Variants in MAP4K5 observed in about 807,000 individuals in gnomAD.
The protein encoded by MAP4K5 is mitogen-activated protein kinase kinase kinase kinase 5.
Under a neutral mutation model 135.6 loss-of-function variants are expected in MAP4K5, and 82 were observed. The observed-to-expected ratio is 0.60, with a 90% confidence interval of 0.51 to 0.73. MAP4K5 has a LOEUF of 0.73. Among genes scored for constraint, MAP4K5 ranks in the 30% least tolerant of loss-of-function variants. The pLI is 0.00. For missense variants in MAP4K5, 907 were observed against 1,010.9 expected (o/e 0.90, Z 1.39); for synonymous variants, 347 against 335.0 (o/e 1.04, Z -0.39).
rs1056233171 is a variant in MAP4K5, at chr14:50,497,520, T to C, written c.166+7280A>G. ...CCTGAATAGATGACACTTGTCCTAT[T>C]TGGCCAAACAGCCTACCCTGGGATT... On this transcript the variant is annotated intron_variant, in intron 3 of 32. Transcript: ENST00000682126. Among the ~76,000 whole-genome samples the C allele has an allele frequency of 2.6e-5, 4 of 152,218 alleles. No homozygotes were observed. In the East Asian group the frequency reaches 5.8e-4, roughly 22 times the overall value.
chr14:50,423,983 C>T (rs1204969621), intron 31 of MAP4K5, among the ~76,000 whole-genome samples: 1 of 152,092 alleles, frequency 6.6e-6, no homozygotes, highest in Non-Finnish European at 1.5e-5. Context: ...CCCAGTTGCT[C>T]TTAGTGGGAA....
intron 1 of MAP4K5, among the ~76,000 whole-genome samples, chr14:50,557,442 T>C (rs2038777968): frequency 6.6e-6 from 1 of 152,174 alleles, no homozygotes; most frequent in Non-Finnish European, 1.5e-5. Flanking sequence ...CCAGGAATGG[T>C]ATACTATTTT....
intron 2 of MAP4K5, 94 bp downstream of exon 2, chr14:50,531,848 G>A: frequency 1.1e-6 from 1 of 889,296 alleles, no homozygotes; most frequent in Non-Finnish European, 1.8e-6. Flanking sequence ...AACAATAAAA[G>A]CATCCTCCTC....
chr14:50,463,537 C>A (rs561001336), intron 12 of MAP4K5, among the ~76,000 whole-genome samples: 6 of 152,074 alleles, frequency 3.9e-5, no homozygotes, highest in Non-Finnish European at 8.8e-5. Context: ...GTAGTTGTGG[C>A]AGAGGCTGTA....
intron 14 of MAP4K5, among the ~76,000 whole-genome samples, chr14:50,453,103 C>T (rs2036526863): frequency 6.6e-6 from 1 of 151,934 alleles, no homozygotes; most frequent in Non-Finnish European, 1.5e-5. Flanking sequence ...ATGAGTCTAA[C>T]ACCTGGCTGA....
chr14:50,467,127 T>C (rs2036850335), intron 10 of MAP4K5, among the ~76,000 whole-genome samples: 1 of 152,098 alleles, frequency 6.6e-6, no homozygotes, highest in South Asian at 2.1e-4. Context: ...ATTCTCTCAG[T>C]ATATTAAATA....
At chr14:50,437,270 C>T (rs543935377) in intron 26 of MAP4K5, among the ~76,000 whole-genome samples, 4 of 152,268 alleles carry the variant, frequency 2.6e-5, no homozygotes, top group Non-Finnish European at 5.9e-5. Context: ...ACACTATGCT[C>T]TGAGAAAACG....
At chr14:50,487,748 A>G (rs927133106) in intron 3 of MAP4K5, among the ~76,000 whole-genome samples, 1 of 152,194 alleles carries the variant, frequency 6.6e-6, no homozygotes, top group African/African-American at 2.4e-5. Flanking sequence ...TGAAGGTGAC[A>G]GTAGAAAGTC....
intron 32 of MAP4K5, among the ~76,000 whole-genome samples, chr14:50,421,587 A>C (rs2035734032): frequency 6.6e-6 from 1 of 151,886 alleles, no homozygotes; most frequent in African/African-American, 2.4e-5. Flanking sequence ...AACCACTTGT[A>C]AAGATAAAAC....
At chr14:50,494,832 G>A (rs1294578208) in intron 3 of MAP4K5, among the ~76,000 whole-genome samples, 2 of 152,204 alleles carry the variant, frequency 1.3e-5, no homozygotes, top group Non-Finnish European at 2.9e-5. Context: ...ACTTGATGGG[G>A]AGAGGGCAGT....
intron 2 of MAP4K5, among the ~76,000 whole-genome samples, chr14:50,531,429 T>C (rs971045909): frequency 3.9e-5 from 6 of 152,236 alleles, no homozygotes; most frequent in Non-Finnish European, 7.3e-5. Flanking sequence ...AGCATCTTTT[T>C]ATATGGGATA....
chr14:50,494,727 T>C (rs1214467279), intron 3 of MAP4K5, among the ~76,000 whole-genome samples: 1 of 152,066 alleles, frequency 6.6e-6, no homozygotes, highest in Non-Finnish European at 1.5e-5. Flanking sequence ...TAAAGACAGA[T>C]ATATTAAAGA....
chr14:50,459,559 T>C (rs373415767), intron 13 of MAP4K5, among the ~76,000 whole-genome samples: 2 of 152,216 alleles, frequency 1.3e-5, no homozygotes, highest in African/African-American at 2.4e-5. Flanking sequence ...TACCCTTTAA[T>C]GGCTTTCTAC....
intron 28 of MAP4K5, among the ~76,000 whole-genome samples, chr14:50,434,175 T>C (rs1188664603): frequency 6.6e-6 from 1 of 152,206 alleles, no homozygotes; most frequent in Non-Finnish European, 1.5e-5. Context: ...CTGTCAGGAA[T>C]CATTAAAAAT....
At chr14:50,547,550 C>T (rs1464404768) in intron 1 of MAP4K5, among the ~76,000 whole-genome samples, 1 of 152,164 alleles carries the variant, frequency 6.6e-6, no homozygotes, top group Non-Finnish European at 1.5e-5. Flanking sequence ...ATACTGCCTA[C>T]CAGGGGAAGA....
rs562013718 is a variant in MAP4K5 at position 50,423,517 on chromosome 14, T to A, written c.2398-341A>T. On this transcript the variant is annotated intron_variant, in intron 31 of 32. Coordinates refer to ENST00000682126, the MANE Select transcript of MAP4K5 (RefSeq NM_006575.6). Reference sequence around the variant, plus strand: ...GACTCAAGACTTGAATACAGGTTTGTTGGACTGCAGAGCTCCTTTGGGGGC... The same window carrying A: ...GACTCAAGACTTGAATACAGGTTTGATGGACTGCAGAGCTCCTTTGGGGGC... Among the ~76,000 whole-genome samples, 6 of 152,160 alleles carry A rather than the reference T, an allele frequency of 3.9e-5. No homozygotes were observed. The East Asian group carries it at 1.2e-3, about 29-fold the overall frequency.
At chr14:50,440,186 C>T in intron 22 of MAP4K5, 113 bp from the exon 23 acceptor site, 1 of 856,264 alleles carries the variant, frequency 1.2e-6, no homozygotes, top group Non-Finnish European at 1.8e-6. Context: ...AGGTAATTAT[C>T]AAACCCTTAA....
intron 31 of MAP4K5, among the ~76,000 whole-genome samples, chr14:50,424,555 C>A (rs1006211056): frequency 2.0e-5 from 3 of 151,534 alleles, no homozygotes; most frequent in African/African-American, 7.3e-5. Flanking sequence ...ACTAAAAATA[C>A]AAAAATTAGC....
At chr14:50,492,331 C>G (rs763244928) in intron 3 of MAP4K5, among the ~76,000 whole-genome samples, 1 of 152,088 alleles carries the variant, frequency 6.6e-6, no homozygotes, top group Non-Finnish European at 1.5e-5. Flanking sequence ...CAGAGGCTCA[C>G]GCATAATCCC....
Sources: gnomAD v4.1 joint callset for allele counts (sites outside exome capture counted in the v4.1 genomes callset) on GRCh38, gnomAD v4.1.1 for gene constraint, MANE v1.5 for transcripts, NCBI Gene and HGNC (gene_info 2026-07-23, HGNC 2026-07-21) for gene names.